Variants in WBP2 observed in about 807,000 individuals in gnomAD.
WBP2 encodes WW domain-binding protein 2.
In WBP2, 23 loss-of-function variants were observed where a neutral mutation model predicts 33.0. The observed-to-expected ratio is 0.70, with a 90% CI of 0.50 to 0.99. The LOEUF (loss-of-function observed/expected upper bound fraction) is 0.99. WBP2 is among the 50% of genes least tolerant of loss of function. WBP2 has a pLI of 0.00. For synonymous variants in WBP2, 153 were observed against 133.5 expected, an observed-to-expected ratio of 1.15 and a Z score of -1.01; for missense variants, 353 against 358.0, an observed-to-expected ratio of 0.99 and a Z score of 0.11.
rs148430954 is a variant in WBP2 at position 75,847,960 on chromosome 17, C to A, written c.398-30G>T. 1.2e-4 allele frequency: 181 copies of A among 1,557,592 alleles called. 1 individual carries two copies. The highest frequency in any genetic ancestry group is 1.4e-4 in the Non-Finnish European group (165 of 1,150,802). On this transcript the variant is annotated intron_variant, in intron 4 of 7. Coordinates refer to ENST00000254806, the MANE Select transcript of WBP2 (RefSeq NM_012478.4). ...GAGTACAAGGGGAAAGAGAAATGAG[C>A]GTGGCCTGCCTTGGGGCGGGGAGAG... is the stretch of plus-strand genomic sequence containing the variant.
intron 1 of WBP2, among the ~76,000 whole-genome samples, chr17:75,853,972 G>A (rs1384592426): frequency 2.7e-5 from 4 of 147,712 alleles, no homozygotes; most frequent in Non-Finnish European, 5.9e-5. Context: ...TTGAACCCAG[G>A]AGGCGGAGGT....
Position 75,846,476 on chromosome 17 carries a change from G to A in WBP2, c.*258C>T, listed in dbSNP as rs756588099. On this transcript the variant is annotated 3_prime_UTR_variant, in exon 8 of 8. Transcript: ENST00000254806. The surrounding 1 kb of genome is among the most constrained non-coding windows in gnomAD (Gnocchi z 4.8). ...GTGAAACAGGAACAGGGGATGCTCC[G>A]TGCTCCCAGAAGAGCCCCAGACGGT... 2 of 549,562 alleles carry A rather than the reference G, an allele frequency of 3.6e-6. No homozygotes were observed. The highest frequency in any genetic ancestry group is 6.5e-6 in the Non-Finnish European group (2 of 308,656). 34.0% of individuals were successfully genotyped at this position (549,562 alleles called of 1,614,324 possible). A position where few individuals can be genotyped will look rare whatever the true frequency, so the allele number is the denominator to read the frequency against.
At position 75,855,165 on chromosome 17, in the gene WBP2, C is replaced by T. The variant is rs2065050372; in HGVS notation, c.59+74G>A. 1.2e-5 allele frequency: 10 copies of T among 869,000 alleles called. 1 individual carries two copies. Among genetic ancestry groups the T allele is most frequent in the Non-Finnish European group, 1.7e-5 (9 of 544,478 alleles). The allele number at this position is 869,000 out of a possible 1,614,324, so 53.8% of individuals were successfully genotyped here. ...TCCCTCTTCAGGGGCTTATTCCCCA[C>T]CACCCACCACCCACCGCCCACTTCC... On this transcript the variant is annotated intron_variant, in intron 1 of 7. Coordinates refer to ENST00000254806, the MANE Select transcript of WBP2 (RefSeq NM_012478.4).
Position 75,847,666 on chromosome 17 carries a change from G to A in WBP2, c.533-57C>T, listed in dbSNP as rs568827090. 86 of 1,606,790 alleles carry A rather than the reference G, an allele frequency of 5.4e-5. 1 individual carries two copies. Among genetic ancestry groups the A allele is most frequent in the South Asian group, 5.3e-4 (48 of 90,666 alleles). ...GAGCACCCGGCTGCGGCCCCCTCCC[G>A]GGTGAGGGGGGCCTCTCCAGCTCCT... On this transcript the variant is annotated intron_variant, in intron 5 of 7. Coordinates refer to ENST00000254806, the MANE Select transcript of WBP2 (RefSeq NM_012478.4).
At chr17:75,848,034 C>A (rs972075886) in intron 4 of WBP2, 104 bp from the exon 5 acceptor site, 2 of 1,430,036 alleles carry the variant, frequency 1.4e-6, no homozygotes, top group African/African-American at 2.8e-5. Flanking sequence ...CAGGAATGTG[C>A]CCCGCAGACA....
Position 75,847,590 on chromosome 17 carries a change from G to A in WBP2, c.552C>T (p.Pro184=), listed in dbSNP as rs1387495088. ...CGTATCCCATGGCCCCGTCCATCAT[G>A]GGGGGTCCTGGATAGAACTCTGCTC... The part of the protein sequence containing the change: ...PPPPEFYPGP[P]MMDGAMGYVQ... The change falls in exon 6 of 8, where the codon CCC becomes CCT. Residue 184 remains proline, a synonymous_variant. Transcript: ENST00000254806. The A allele has an allele frequency of 1.9e-6, 3 of 1,612,182 alleles. No individual in the cohort carries two copies. The highest frequency in any genetic ancestry group is 2.7e-5 in the African/African-American group (2 of 74,856).
chr17:75,854,850 T>C (rs1324430788), intron 1 of WBP2, among the ~76,000 whole-genome samples: 1 of 152,192 alleles, frequency 6.6e-6, no homozygotes, highest in African/African-American at 2.4e-5. Flanking sequence ...CAGAATTTAT[T>C]AAATAAGGTA....
At position 75,855,330 on chromosome 17, in the gene WBP2, C is replaced by G. The variant is rs2065052361; in HGVS notation, c.-33G>C. 6.2e-6 allele frequency: 10 copies of G among 1,610,198 alleles called. No individual in the cohort carries two copies. The highest frequency in any genetic ancestry group is 8.5e-6 in the Non-Finnish European group (10 of 1,179,636). On this transcript the variant is annotated 5_prime_UTR_variant, in exon 1 of 8. Transcript: ENST00000254806. The stretch of plus-strand genomic sequence containing the variant: ...CCAACAGGGGTCCCGAGACTCAAAA[C>G]GCAATGAGCTTGCGCCCCTCTTCGC...
At position 75,847,608 on chromosome 17, in the gene WBP2, C is replaced by T; in HGVS notation, c.534G>A (p.Glu178=). Residue 178 remains glutamate, a splice_region_variant and synonymous_variant, in exon 6 of 8, where the codon GAG becomes GAA. Coordinates refer to ENST00000254806, the MANE Select transcript of WBP2 (RefSeq NM_012478.4). ...CCATCATGGGGGGTCCTGGATAGAACTCTGCTCGGTGAGAGAGTAACAAGG... is the reference window on the plus strand; with the variant it reads ...CCATCATGGGGGGTCCTGGATAGAATTCTGCTCGGTGAGAGAGTAACAAGG... ...PGYPYPPPPP[E]FYPGPPMMDG... 1 of 1,613,056 alleles carries T rather than the reference C, an allele frequency of 6.2e-7. No individual in the cohort carries two copies. Among genetic ancestry groups the T allele is most frequent in the Non-Finnish European group, 8.5e-7 (1 of 1,179,696 alleles).
At chr17:75,851,243 C>G (rs1349449296) in intron 2 of WBP2, 1 of 237,954 alleles carries the variant, frequency 4.2e-6, no homozygotes, top group Non-Finnish European at 8.8e-6. Flanking sequence ...GCTACTCTCA[C>G]AGAAAACAAA....
At chr17:75,856,392 C>T (rs1390853503), upstream of WBP2, 1 of 152,236 alleles carries the variant, frequency 6.6e-6, no homozygotes, top group Non-Finnish European at 1.5e-5. Context: ...TGGTGGCCAA[C>T]CTCTAGATCC....
chr17:75,850,632 T>C (rs935367403), intron 2 of WBP2, among the ~76,000 whole-genome samples: 5 of 152,136 alleles, frequency 3.3e-5, no homozygotes, highest in Non-Finnish European at 7.4e-5. Context: ...GACTCTCCTG[T>C]CTTTGTGAAG....
At chr17:75,855,161 C>T in intron 1 of WBP2, 78 bp downstream of exon 1, 2 of 699,806 alleles carry the variant, frequency 2.9e-6, no homozygotes, top group Non-Finnish European at 4.7e-6. Context: ...GGGCTTATTC[C>T]CCACCACCCA....
At chr17:75,849,969 A>G (rs751200264) in intron 2 of WBP2, among the ~76,000 whole-genome samples, 1 of 152,222 alleles carries the variant, frequency 6.6e-6, no homozygotes, top group Non-Finnish European at 1.5e-5. Flanking sequence ...CTGGTCACAG[A>G]TAGTATCTAT....
intron 2 of WBP2, 88 bp from the exon 3 acceptor site, chr17:75,849,827 C>T (rs765667423): frequency 3.9e-6 from 6 of 1,537,986 alleles, no homozygotes; most frequent in East Asian, 4.6e-5. Flanking sequence ...GTGACGAATC[C>T]TCTCCCAGTG....
At position 75,846,475 on chromosome 17, in the gene WBP2, C is replaced by T; in HGVS notation, c.*259G>A. 2 of 548,698 alleles carry T rather than the reference C, an allele frequency of 3.6e-6. No individual in the cohort carries two copies. Among genetic ancestry groups the T allele is most frequent in the South Asian group, 4.2e-5 (2 of 48,048 alleles). 34.0% of individuals were successfully genotyped at this position (548,698 alleles called of 1,614,324 possible). A position where few individuals can be genotyped will look rare whatever the true frequency, so the allele number is the denominator to read the frequency against. ...AGTGAAACAGGAACAGGGGATGCTCCGTGCTCCCAGAAGAGCCCCAGACGG... is the reference window on the plus strand; with the variant it reads ...AGTGAAACAGGAACAGGGGATGCTCTGTGCTCCCAGAAGAGCCCCAGACGG... On this transcript the variant is annotated 3_prime_UTR_variant, in exon 8 of 8. Transcript: ENST00000254806. This position sits in a 1 kb window ranked among gnomAD's most constrained non-coding sequence, Gnocchi z 4.8.
rs766669191 is a variant in WBP2 at position 75,847,796 on chromosome 17, C to T, written c.532G>A (p.Glu178Lys). 1.3e-6 allele frequency: 2 copies of T among 1,554,248 alleles called. No homozygotes were observed. The highest frequency in any genetic ancestry group is 1.7e-6 in the Non-Finnish European group (2 of 1,148,404). ...TGGGGGCAGCAAAGGACACACTCACCAGGTGGGGGCGGTGGATAGGGGTAG... is the reference window on the plus strand; with the variant it reads ...TGGGGGCAGCAAAGGACACACTCACTAGGTGGGGGCGGTGGATAGGGGTAG... ...PGYPYPPPPP[E>K]FYPGPPMMDG... The change falls in exon 5 of 8, where the codon GAG becomes AAG. Residue 178 changes from glutamate to lysine, a missense_variant and splice_region_variant. Glu to Lys is a moderately conservative substitution (Grantham distance 56, BLOSUM62 1). Transcript: ENST00000254806.
Position 75,846,977 on chromosome 17 carries a change from G to A in WBP2, c.663C>T (p.Ala221=). ...PDVPSTPAAE[A]KAAEAAASAY... ...CGCTGGCGGCTGCTTCTGCGGCCTT[G>A]GCTTCGGCTGTGAGAGCAAACACAC... is the stretch of plus-strand genomic sequence containing the variant. The change falls in exon 7 of 8, where the codon GCC becomes GCT. Residue 221 remains alanine, a synonymous_variant. Coordinates refer to ENST00000254806, the MANE Select transcript of WBP2 (RefSeq NM_012478.4). The surrounding 1 kb of genome is among the most constrained non-coding windows in gnomAD (Gnocchi z 4.8). 1 of 1,614,084 alleles carries A rather than the reference G, an allele frequency of 6.2e-7. No homozygotes were observed. The highest frequency in any genetic ancestry group is 8.5e-7 in the Non-Finnish European group (1 of 1,180,002).
At chr17:75,850,541 G>A (rs963190232) in intron 2 of WBP2, among the ~76,000 whole-genome samples, 7 of 152,042 alleles carry the variant, frequency 4.6e-5, no homozygotes, top group Non-Finnish European at 8.8e-5. Context: ...CACCGCACCC[G>A]GCCCCAGCCA....
Sources: gnomAD v4.1 joint callset for allele counts (sites outside exome capture counted in the v4.1 genomes callset) on GRCh38, gnomAD v4.1.1 for gene constraint, Gnocchi (gnomAD v3.1) non-coding constraint, MANE v1.5 for transcripts, NCBI Gene and HGNC (gene_info 2026-07-23, HGNC 2026-07-21) for gene names.